The following MYLK variants were observed in gnomAD, a reference collection of about 807,000 sequenced individuals.
MYLK encodes the protein myosin light chain kinase, smooth muscle.
In MYLK, 106 loss-of-function variants were observed where a neutral mutation model predicts 203.4. That is an observed-to-expected ratio of 0.52 (90% confidence interval 0.45 to 0.61). The LOEUF (loss-of-function observed/expected upper bound fraction) is 0.61. MYLK is among the 20% of genes least tolerant of loss of function. MYLK has a pLI of 0.00. For synonymous variants in MYLK, 867 were observed against 959.5 expected (o/e 0.90, Z 1.78); for missense variants, 2,072 against 2,442.3 (o/e 0.85, Z 3.20).
intron 3 of MYLK, among the ~76,000 whole-genome samples, chr3:123,804,005 C>T (rs959105705): frequency 2.6e-5 from 4 of 152,238 alleles, no homozygotes; most frequent in African/African-American, 9.6e-5. Flanking sequence ...GTATTTAGCA[C>T]TTACTGTCAG....
intron 13 of MYLK, among the ~76,000 whole-genome samples, chr3:123,719,179 A>G (rs2062006808): frequency 1.3e-5 from 2 of 152,230 alleles, no homozygotes; most frequent in South Asian, 4.1e-4. Flanking sequence ...GAGCCCCTGC[A>G]TCTGGCCTTT....
At chr3:123,696,972 C>G (rs2060955468) in intron 18 of MYLK, among the ~76,000 whole-genome samples, 2 of 152,252 alleles carry the variant, frequency 1.3e-5, no homozygotes, top group Admixed American at 1.3e-4. Context: ...GGAAGCCCGT[C>G]CCCTCTGGCC....
rs2058741758 is a variant in MYLK at position 123,639,062 on chromosome 3, TCCCACAGTATC to T, written c.4838-879_4838-869del. 1.4e-5 allele frequency: 14 copies of T among 985,308 alleles called. No homozygotes were observed. In the South Asian group the frequency reaches 6.1e-4, roughly 43 times the overall value. 61.0% of individuals were successfully genotyped at this position (985,308 alleles called of 1,614,324 possible). On this transcript the variant is annotated intron_variant, in intron 28 of 33. Transcript: ENST00000360304. Reference sequence around the variant, plus strand: ...TCTGGTCCTTGGTGGACACGGTTGTTCCCACAGTATCCCTCACCAGTGGAAGCTGGACATTG... The same window carrying T: ...TCTGGTCCTTGGTGGACACGGTTGTTCCTCACCAGTGGAAGCTGGACATTG...
At chr3:123,690,182 G>A (rs2060607228) in intron 19 of MYLK, among the ~76,000 whole-genome samples, 1 of 152,194 alleles carries the variant, frequency 6.6e-6, no homozygotes, top group East Asian at 1.9e-4. Flanking sequence ...TAAGAGGGAT[G>A]AAGGCCTGGT....
chr3:123,816,698 C>T (rs1210210772), intron 3 of MYLK, among the ~76,000 whole-genome samples: 1 of 152,226 alleles, frequency 6.6e-6, no homozygotes, highest in African/African-American at 2.4e-5. Flanking sequence ...TGGCACAATG[C>T]CCCTGCCAAA....
intron 4 of MYLK, 120 bp downstream of exon 4, chr3:123,793,557 A>C: frequency 8.8e-7 from 1 of 1,136,600 alleles, no homozygotes; most frequent in African/African-American, 1.6e-5. Context: ...TTTTACATGA[A>C]GGTCCAAAAG....
At chr3:123,639,276 C>A (rs934129625) in intron 28 of MYLK, among the ~76,000 whole-genome samples, 3 of 152,262 alleles carry the variant, frequency 2.0e-5, no homozygotes, top group Non-Finnish European at 2.9e-5. Context: ...GCATGTTTCT[C>A]ACCTGACTGC....
intron 4 of MYLK, among the ~76,000 whole-genome samples, chr3:123,787,750 A>T (rs1031370791): frequency 2.6e-5 from 4 of 152,202 alleles, no homozygotes; most frequent in African/African-American, 4.8e-5. Context: ...GGATAAAATG[A>T]TTAAGATTGT....
chr3:123,806,065 T>C (rs1005854883), intron 3 of MYLK, among the ~76,000 whole-genome samples: 1 of 140,928 alleles, frequency 7.1e-6, no homozygotes, highest in Non-Finnish European at 1.6e-5. Context: ...GAATAGATTA[T>C]TAATTCATGC....
chr3:123,774,840 C>T (rs555559254), intron 4 of MYLK, among the ~76,000 whole-genome samples: 18 of 152,060 alleles, frequency 1.2e-4, no homozygotes, highest in African/African-American at 4.3e-4. Flanking sequence ...ATTAATATAC[C>T]GACCATAGAG....
intron 3 of MYLK, among the ~76,000 whole-genome samples, chr3:123,815,283 G>C (rs2065710964): frequency 6.6e-6 from 1 of 152,106 alleles, no homozygotes; most frequent in South Asian, 2.1e-4. Flanking sequence ...GTTTAAGCTT[G>C]TTCTTCTTGA....
At chr3:123,823,667 C>T (rs958986453) in intron 3 of MYLK, among the ~76,000 whole-genome samples, 19 of 152,198 alleles carry the variant, frequency 1.2e-4, no homozygotes, top group Admixed American at 2.6e-4. Flanking sequence ...AGCTCCCTCA[C>T]ACAGTCAGAT....
intron 18 of MYLK, among the ~76,000 whole-genome samples, chr3:123,694,590 C>A (rs77519953): frequency 0.021 from 3,164 of 152,288 alleles, 124 homozygotes; most frequent in African/African-American, 0.073. Flanking sequence ...TATCCCACCC[C>A]CAACGCACAT....
chr3:123,647,853 T>C (rs777965720), intron 26 of MYLK, among the ~76,000 whole-genome samples: 9 of 152,066 alleles, frequency 5.9e-5, no homozygotes, highest in Non-Finnish European at 1.2e-4. Flanking sequence ...CACCTGGCCT[T>C]TGAAGCACAT....
chr3:123,731,128 G>C (rs1176286878), intron 11 of MYLK, among the ~76,000 whole-genome samples: 1 of 152,204 alleles, frequency 6.6e-6, no homozygotes, highest in Non-Finnish European at 1.5e-5. Flanking sequence ...CGCAGGGATA[G>C]AGACCTGGCC....
intron 4 of MYLK, among the ~76,000 whole-genome samples, chr3:123,756,575 TG>T (rs1221270206): frequency 6.6e-6 from 1 of 152,230 alleles, no homozygotes; most frequent in African/African-American, 2.4e-5. Context: ...TGGTTTTAAA[TG>T]GTGACCCACT....
chr3:123,798,385 G>A (rs1181580642), intron 3 of MYLK, among the ~76,000 whole-genome samples: 1 of 152,130 alleles, frequency 6.6e-6, no homozygotes, highest in Non-Finnish European at 1.5e-5. Flanking sequence ...GGCAGAGCAT[G>A]TGCCTCCCCC....
At chr3:123,850,257 C>T (rs1337906736) in intron 2 of MYLK, among the ~76,000 whole-genome samples, 1 of 152,028 alleles carries the variant, frequency 6.6e-6, no homozygotes, top group South Asian at 2.1e-4. Context: ...GGGTATATAC[C>T]GAGTAATGGG....
At chr3:123,686,460 G>A (rs1303552245) in intron 19 of MYLK, among the ~76,000 whole-genome samples, 1 of 152,034 alleles carries the variant, frequency 6.6e-6, no homozygotes, top group Non-Finnish European at 1.5e-5. Flanking sequence ...CTTCTGGGAG[G>A]GGTCCAGCTT....
Sources: gnomAD v4.1 joint callset for allele counts (sites outside exome capture counted in the v4.1 genomes callset) on GRCh38, gnomAD v4.1.1 for gene constraint, MANE v1.5 for transcripts, NCBI Gene and HGNC (gene_info 2026-07-23, HGNC 2026-07-21) for gene names.